Variants in BARX2 observed in about 807,000 individuals in gnomAD.
The protein encoded by BARX2 is BARX homeobox 2.
BARX2 carries 11 observed loss-of-function variants against 25.5 expected under a neutral mutation model. That is an observed-to-expected ratio of 0.43 (90% CI 0.27 to 0.71). The LOEUF (loss-of-function observed/expected upper bound fraction) is 0.71. Among genes scored for constraint, BARX2 ranks in the 30% least tolerant of loss-of-function variants. The pLI, the probability that BARX2 is intolerant of heterozygous loss-of-function variation, is 0.19. For synonymous variants in BARX2, 137 were observed against 149.5 expected, an observed-to-expected ratio of 0.92 and a Z score of 0.61; for missense variants, 360 against 359.9, an observed-to-expected ratio of 1.00 and a Z score of 0.00.
At chr11:129,437,488 G>T (rs1197402593) in intron 2 of BARX2, 64 of 989,126 alleles carry the variant, frequency 6.5e-5, no homozygotes, top group Non-Finnish European at 7.3e-5. Context: ...GACTCAGTTT[G>T]CTGGCCTGGC....
chr11:129,445,684 C>T (rs1206958403), intron 3 of BARX2, among the ~76,000 whole-genome samples: 2 of 152,140 alleles, frequency 1.3e-5, no homozygotes, highest in Non-Finnish European at 2.9e-5. Context: ...AAGACATGAG[C>T]CTGTCCACCA....
In BARX2 at chr11:129,436,411, G is replaced by C; in HGVS notation, c.188-340G>C. On this transcript the variant is annotated intron_variant, in intron 1 of 3. Coordinates refer to ENST00000281437, the MANE Select transcript of BARX2 (RefSeq NM_003658.5). The surrounding 1 kb of genome is among the most constrained non-coding windows in gnomAD (Gnocchi z 4.5). ...CGGGTTTCTGAAATATGTGTCTCTAGCTTTTCCTGACTACTTCTTTTCATC... is the reference window on the plus strand; with the variant it reads ...CGGGTTTCTGAAATATGTGTCTCTACCTTTTCCTGACTACTTCTTTTCATC... The C allele has an allele frequency of 3.4e-6, 1 of 298,368 alleles. No individual in the cohort carries two copies. Among genetic ancestry groups the C allele is most frequent in the Non-Finnish European group, 6.2e-6 (1 of 162,354 alleles). 18.5% of individuals were successfully genotyped at this position (298,368 alleles called of 1,614,324 possible).
chr11:129,440,886 T>A (rs764276640), intron 2 of BARX2, among the ~76,000 whole-genome samples: 6 of 152,130 alleles, frequency 3.9e-5, no homozygotes, highest in Non-Finnish European at 5.9e-5. Flanking sequence ...CAGACGGCAA[T>A]CCTCAGAAAC....
chr11:129,425,716 A>G (rs982612803), intron 1 of BARX2, among the ~76,000 whole-genome samples: 3 of 152,182 alleles, frequency 2.0e-5, no homozygotes. Context: ...TTGTCTCTGC[A>G]AAGTGAAGAA....
intron 3 of BARX2, among the ~76,000 whole-genome samples, chr11:129,448,237 T>C (rs1313230075): frequency 2.0e-5 from 3 of 152,286 alleles, no homozygotes; most frequent in Admixed American, 1.3e-4. Flanking sequence ...AGACAAAACC[T>C]TCTTAGATAT....
intron 1 of BARX2, among the ~76,000 whole-genome samples, chr11:129,435,167 A>G (rs919353919): frequency 1.2e-4 from 18 of 152,340 alleles, no homozygotes; most frequent in Middle Eastern, 3.4e-3. Flanking sequence ...ACAAGCCCAC[A>G]TATCCTCATT....
At chr11:129,412,117 A>G (rs2135398761) in intron 1 of BARX2, among the ~76,000 whole-genome samples, 1 of 152,152 alleles carries the variant, frequency 6.6e-6, no homozygotes, top group Middle Eastern at 3.4e-3. Context: ...CTAAAAACAC[A>G]AAAAGTTAGC....
intron 3 of BARX2, among the ~76,000 whole-genome samples, chr11:129,446,357 A>G (rs896403127): frequency 1.3e-5 from 2 of 151,756 alleles, no homozygotes; most frequent in African/African-American, 4.8e-5. Context: ...ATAGTTAACA[A>G]CTCCATGAAT....
chr11:129,445,669 A>AAGAT (rs1234982428), intron 3 of BARX2, among the ~76,000 whole-genome samples: 1 of 152,192 alleles, frequency 6.6e-6, no homozygotes, highest in African/African-American at 2.4e-5. Flanking sequence ...TGGAGATGCA[A>AAGAT]AGATAAGACA....
intron 1 of BARX2, among the ~76,000 whole-genome samples, chr11:129,406,556 A>G (rs1861832378): frequency 6.6e-6 from 1 of 152,174 alleles, no homozygotes; most frequent in Non-Finnish European, 1.5e-5. Context: ...TAACATAGCT[A>G]GTGTAGGAGA....
At chr11:129,418,596 T>G (rs564159749) in intron 1 of BARX2, among the ~76,000 whole-genome samples, 193 of 152,304 alleles carry the variant, frequency 1.3e-3, no homozygotes, top group Non-Finnish European at 2.5e-3. Context: ...TTCTACAGTT[T>G]GAAATTTTCT....
At chr11:129,438,955 C>T (rs1171508651) in intron 2 of BARX2, among the ~76,000 whole-genome samples, 1 of 152,062 alleles carries the variant, frequency 6.6e-6, no homozygotes, top group Non-Finnish European at 1.5e-5. Context: ...GGCAAAGAAG[C>T]GTGTCTCGCC....
chr11:129,412,878 GT>G (rs1464635711), intron 1 of BARX2, among the ~76,000 whole-genome samples: 1 of 152,140 alleles, frequency 6.6e-6, no homozygotes, highest in Non-Finnish European at 1.5e-5. Flanking sequence ...TTCTGAAGAG[GT>G]TCAGAGAATA....
Position 129,451,136 on chromosome 11 carries a change from G to A in BARX2, c.574G>A (p.Val192Ile), listed in dbSNP as rs1035403449. 6 of 1,612,124 alleles carry A rather than the reference G, an allele frequency of 3.7e-6. No individual in the cohort carries two copies. In the Admixed American group the frequency reaches 1.0e-4, roughly 27 times the overall value. Residue 192 changes from valine (V) to isoleucine (I), a missense_variant and splice_region_variant, in exon 4 of 4, where the codon GTT (valine) becomes ATT (isoleucine). By Grantham distance (29) the Val-to-Ile change is conservative (BLOSUM62 3). This residue lies in a region of BARX2 where 114 missense variants were observed against 109.4 expected (regional missense o/e 1.04). Transcript: ENST00000281437. ...CAATAACAATTTTTTACTCACGTAGGTTCTTAAAGGTGGACAGGAAGCACC... is the reference window on the plus strand; with the variant it reads ...CAATAACAATTTTTTACTCACGTAGATTCTTAAAGGTGGACAGGAAGCACC... ...QNRRMKWKKM[V>I]LKGGQEAPTK...
At chr11:129,425,711 T>C (rs1862055249) in intron 1 of BARX2, among the ~76,000 whole-genome samples, 1 of 152,192 alleles carries the variant, frequency 6.6e-6, no homozygotes, top group African/African-American at 2.4e-5. Context: ...TTGGCTTGTC[T>C]CTGCAAAGTG....
chr11:129,432,867 T>G (rs1231227348), intron 1 of BARX2, among the ~76,000 whole-genome samples: 3 of 152,250 alleles, frequency 2.0e-5, no homozygotes, highest in Admixed American at 6.5e-5. Context: ...GCTTTCCTAC[T>G]GCTTCTCTGT....
intron 1 of BARX2, among the ~76,000 whole-genome samples, chr11:129,387,433 A>C (rs542622407): frequency 5.9e-5 from 9 of 152,326 alleles, no homozygotes; most frequent in African/African-American, 2.2e-4. Flanking sequence ...TAGGATATTT[A>C]GGGTAAATTT....
At chr11:129,416,614 T>C (rs1488824614) in intron 1 of BARX2, among the ~76,000 whole-genome samples, 1 of 152,204 alleles carries the variant, frequency 6.6e-6, no homozygotes, top group Non-Finnish European at 1.5e-5. Flanking sequence ...GGTCATTTCC[T>C]CCTTGAACTC....
intron 2 of BARX2, 153 bp from the exon 3 acceptor site, chr11:129,442,682 A>C: frequency 4.1e-6 from 3 of 726,268 alleles, no homozygotes; most frequent in African/African-American, 1.7e-5. Flanking sequence ...CTTGGAAGGA[A>C]AGAAAAGCGC....
Sources: gnomAD v4.1 joint callset for allele counts (sites outside exome capture counted in the v4.1 genomes callset) on GRCh38, gnomAD v4.1.1 for gene constraint, gnomAD v4.1.1 regional missense constraint, Gnocchi (gnomAD v3.1) non-coding constraint, MANE v1.5 for transcripts, NCBI Gene and HGNC (gene_info 2026-07-23, HGNC 2026-07-21) for gene names.